PI4K2A: variants seen among roughly 807,000 people sequenced by gnomAD.
PI4K2A encodes the protein phosphatidylinositol 4-kinase type 2 alpha.
A neutral mutation model predicts 55.0 loss-of-function variants in PI4K2A; 20 were observed. The ratio of observed to expected loss-of-function variants is 0.36; its 90% confidence interval spans 0.26 to 0.53. The LOEUF (loss-of-function observed/expected upper bound fraction) is 0.53. Ranked by LOEUF, PI4K2A falls within the 20% of genes least tolerant of loss-of-function variation. PI4K2A has a pLI of 0.91. For synonymous variants in PI4K2A, 235 were observed against 258.5 expected, an observed-to-expected ratio of 0.91 and a Z score of 0.87; for missense variants, 463 against 637.1, an observed-to-expected ratio of 0.73 and a Z score of 2.94.
intron 8 of PI4K2A, among the ~76,000 whole-genome samples, chr10:97,673,324 C>G (rs1009744555): frequency 1.3e-5 from 2 of 152,058 alleles, no homozygotes; most frequent in South Asian, 4.1e-4. Flanking sequence ...CCCAACTCTG[C>G]GTCGTTCTTT....
At chr10:97,660,300 C>CT (rs368124986) in intron 4 of PI4K2A, among the ~76,000 whole-genome samples, 27,093 of 118,794 alleles carry the variant, frequency 0.23, 3,419 homozygotes, top group South Asian at 0.34. Context: ...CGCGCCCGGC[C>CT]TTTTTTTTTT....
chr10:97,640,701 T>G, exon 1 of PI4K2A: 1 of 1,355,072 alleles, frequency 7.4e-7, no homozygotes, highest in Non-Finnish European at 9.7e-7. Context: ...GCGAGCGCAG[T>G]GGTGTGGAGC....
In PI4K2A at chr10:97,642,884, T is replaced by TTCCTTC. The variant is rs1564772363; in HGVS notation, c.435+1707_435+1708insTCCTTC. 7.7e-4 allele frequency among the ~76,000 whole-genome samples: 75 copies of TTCCTTC among 96,830 alleles called. 1 individual carries two copies. Among genetic ancestry groups the TTCCTTC allele is most frequent in the Middle Eastern group, 5.2e-3 (1 of 194 alleles). The allele number at this position is 96,830 out of a possible 152,430, so 63.5% of individuals were successfully genotyped here. A position where few individuals can be genotyped will look rare whatever the true frequency, so the allele number is the denominator to read the frequency against. ...CTTTCTTTTTCTTTCTTTCTTTCTTTCTTCCTTCCTTCCTTCCTTCCTTCC... is the reference window on the plus strand; with the variant it reads ...CTTTCTTTTTCTTTCTTTCTTTCTTTTCCTTCCTTCCTTCCTTCCTTCCTTCCTTCC... On this transcript the variant is annotated intron_variant, in intron 1 of 8. Transcript: ENST00000370631.
At chr10:97,665,078 A>T in intron 6 of PI4K2A, 94 bp downstream of exon 6, 3 of 729,188 alleles carry the variant, frequency 4.1e-6, no homozygotes, top group Non-Finnish European at 6.9e-6. Flanking sequence ...TCATAGGATT[A>T]TTCTAAAAAT....
intron 1 of PI4K2A, among the ~76,000 whole-genome samples, chr10:97,649,413 T>C (rs962078845): frequency 8.5e-5 from 13 of 152,168 alleles, no homozygotes; most frequent in African/African-American, 2.7e-4. Flanking sequence ...TACTGTCTGC[T>C]ATAGAAGATG....
At chr10:97,649,465 A>G (rs534758177) in intron 1 of PI4K2A, among the ~76,000 whole-genome samples, 1 of 152,256 alleles carries the variant, frequency 6.6e-6, no homozygotes, top group Non-Finnish European at 1.5e-5. Context: ...TTTCTTGCCT[A>G]TCAGAATTAC....
rs112138229 is a variant in PI4K2A at position 97,659,869 on chromosome 10, C to T, written c.922+2895C>T. ...TACATCAGACAGATTTTTGCCACTA[C>T]AATTGTTGTCCACGTGGGGAGACAG... On this transcript the variant is annotated intron_variant, in intron 4 of 8. Transcript: ENST00000370631. 5.1e-3 allele frequency among the ~76,000 whole-genome samples: 778 copies of T among 152,252 alleles called. 8 individuals are homozygous for T. Among genetic ancestry groups the T allele is most frequent in the African/African-American group, 0.017 (719 of 41,518 alleles).
intron 6 of PI4K2A, among the ~76,000 whole-genome samples, chr10:97,665,214 A>C (rs530505173): frequency 6.6e-6 from 1 of 152,270 alleles, no homozygotes; most frequent in East Asian, 1.9e-4. Flanking sequence ...AGGTGATTAG[A>C]AATTAGAAGC....
rs1782148880 is a variant in PI4K2A at position 97,656,786 on chromosome 10, A to G, written c.769-35A>G. 1 of 1,608,254 alleles carries G rather than the reference A, an allele frequency of 6.2e-7. No homozygotes were observed. Among genetic ancestry groups the G allele is most frequent in the Non-Finnish European group, 8.5e-7 (1 of 1,175,096 alleles). ...CCAAAGGTCTTTGGATTTGGGCAGTAGGGAAAAACCTTTGTTCCTTCCTCT... is the reference window on the plus strand; with the variant it reads ...CCAAAGGTCTTTGGATTTGGGCAGTGGGGAAAAACCTTTGTTCCTTCCTCT... On this transcript the variant is annotated intron_variant, in intron 3 of 8. Transcript: ENST00000370631. This position sits in a 1 kb window ranked among gnomAD's most constrained non-coding sequence, Gnocchi z 4.5.
intron 6 of PI4K2A, among the ~76,000 whole-genome samples, chr10:97,665,655 C>T (rs1468203335): frequency 6.6e-6 from 1 of 151,358 alleles, no homozygotes; most frequent in Admixed American, 6.6e-5. Context: ...TGCAGTGGCG[C>T]GATCTCGGCT....
At chr10:97,663,114 A>C in intron 5 of PI4K2A, 146 bp downstream of exon 5, 1 of 630,512 alleles carries the variant, frequency 1.6e-6, no homozygotes, top group Non-Finnish European at 2.8e-6. Context: ...TATTTGGTAA[A>C]GTTTTTCTCA....
At chr10:97,642,924 C>T (rs11595321) in intron 1 of PI4K2A, among the ~76,000 whole-genome samples, 7,036 of 111,306 alleles carry the variant, frequency 0.063, 456 homozygotes, top group Non-Finnish European at 0.083. Context: ...TTCCTTCCTT[C>T]CTTTCTTTCC....
chr10:97,651,089 G>A, exon 2 of PI4K2A: 1 of 1,613,876 alleles, frequency 6.2e-7, no homozygotes, highest in Non-Finnish European at 8.5e-7. Flanking sequence ...TCAGAAGCAG[G>A]GGCCAGCCTG....
chr10:97,671,642 G>A (rs1031537950), intron 8 of PI4K2A, among the ~76,000 whole-genome samples: 1 of 152,036 alleles, frequency 6.6e-6, no homozygotes, highest in African/African-American at 2.4e-5. Context: ...TTGTTTGTTT[G>A]TTTGTTTGTT....
rs776553956 is a variant in PI4K2A at position 97,641,176 on chromosome 10, G to A, written c.434G>A (p.Gly145Glu). The A allele has an allele frequency of 1.2e-6, 2 of 1,601,404 alleles. No homozygotes were observed. The highest frequency in any genetic ancestry group is 2.3e-5 in the East Asian group (1 of 44,226). Residue 145 changes from glycine (G) to glutamate (E), a missense_variant and splice_region_variant, in exon 1 of 9, where the codon GGG becomes GAG. This residue lies in a region of PI4K2A where 277 missense variants were observed against 432.6 expected (regional missense o/e 0.64). Transcript: ENST00000370631. ...AGCTACTTCGTCAAGGACCCTCAGG[G>A]GGTGAGTGCGGGGGTGGGGACCGCC...
chr10:97,660,177 A>G lies in PI4K2A; in HGVS notation c.923-2730A>G, dbSNP rs533938345. On this transcript the variant is annotated intron_variant, in intron 4 of 8. Coordinates refer to ENST00000370631, the Ensembl canonical transcript of PI4K2A. ...CTACCACGCCCGGCTAATTTTTTGT[A>G]TTTTTAGTAGAGATGGGGTTTCACC... Among the ~76,000 whole-genome samples the G allele has an allele frequency of 2.9e-3, 417 of 143,514 alleles. 2 individuals carry two copies. The highest frequency in any genetic ancestry group is 0.01 in the African/African-American group (397 of 38,538). 94.2% of individuals were successfully genotyped at this position (143,514 alleles called of 152,430 possible). A position where few individuals can be genotyped will look rare whatever the true frequency, so the allele number is the denominator to read the frequency against.
chr10:97,651,388 G>C (rs1333906695), intron 2 of PI4K2A, among the ~76,000 whole-genome samples: 1 of 152,184 alleles, frequency 6.6e-6, no homozygotes, highest in Non-Finnish European at 1.5e-5. Context: ...AACTTCTACT[G>C]CATGTTTATG....
intron 7 of PI4K2A, 133 bp from the exon 8 acceptor site, chr10:97,666,928 G>A: frequency 1.5e-6 from 1 of 686,428 alleles, no homozygotes. Flanking sequence ...GTTCTTGTGG[G>A]AGTAGTTGAC....
At chr10:97,671,190 C>T (rs978161972) in intron 8 of PI4K2A, among the ~76,000 whole-genome samples, 1 of 152,002 alleles carries the variant, frequency 6.6e-6, no homozygotes, top group South Asian at 2.1e-4. Context: ...AGCTTTTGTA[C>T]TCTCCTACCA....
Sources: allele counts gnomAD v4.1 joint callset (sites outside exome capture counted in the v4.1 genomes callset), GRCh38; gene constraint gnomAD v4.1.1; regional missense constraint gnomAD v4.1.1; non-coding constraint Gnocchi (gnomAD v3.1); transcripts MANE v1.5; gene names NCBI Gene and HGNC (gene_info 2026-07-23, HGNC 2026-07-21).